PLCXD3: variants seen among roughly 807,000 people sequenced by gnomAD.
The protein encoded by PLCXD3 is phosphatidylinositol specific phospholipase C X domain containing 3.
In PLCXD3, 19 loss-of-function variants were observed where a neutral mutation model predicts 25.5. The observed-to-expected ratio is 0.75, with a 90% CI of 0.52 to 1.09. The LOEUF is 1.09. Among genes scored for constraint, PLCXD3 ranks in the 50% least tolerant of loss-of-function variants. PLCXD3 has a pLI of 0.00. For missense variants in PLCXD3, 411 were observed against 388.1 expected, an observed-to-expected ratio of 1.06 and a Z score of -0.50; for synonymous variants, 174 against 137.6, an observed-to-expected ratio of 1.26 and a Z score of -1.85.
At chr5:41,354,239 C>A (rs563853520) in intron 2 of PLCXD3, among the ~76,000 whole-genome samples, 1 of 152,282 alleles carries the variant, frequency 6.6e-6, no homozygotes, top group African/African-American at 2.4e-5. Context: ...TCTCTGGATG[C>A]TAGAGAACCA....
In PLCXD3 at chr5:41,418,216, A is replaced by G. The variant is rs1746736955; in HGVS notation, c.104-35682T>C. On this transcript the variant is annotated intron_variant, in intron 1 of 2. Transcript: ENST00000377801. ...TTTATCTAATATTTGAAAGAGGAAGAAATTATTTTCATTTAAAACACACAC... is the reference window on the plus strand; with the variant it reads ...TTTATCTAATATTTGAAAGAGGAAGGAATTATTTTCATTTAAAACACACAC... Among the ~76,000 whole-genome samples the G allele has an allele frequency of 2.6e-5, 4 of 152,224 alleles. No homozygotes were observed. In the South Asian group the frequency reaches 8.3e-4, roughly 32 times the overall value.
intron 2 of PLCXD3, among the ~76,000 whole-genome samples, chr5:41,316,297 C>A (rs760916763): frequency 6.6e-6 from 1 of 152,148 alleles, no homozygotes; most frequent in Non-Finnish European, 1.5e-5. Context: ...AGGATGTAGA[C>A]CTACCAGCAT....
chr5:41,435,614 G>T lies in PLCXD3; in HGVS notation c.104-53080C>A, dbSNP rs1242571248. The stretch of plus-strand genomic sequence containing the variant: ...TCTCTGACTCTGAATTTCCTCATAG[G>T]TAAGAATGGGGGTAGTGGAAAACAG... On this transcript the variant is annotated intron_variant, in intron 1 of 2. Transcript: ENST00000377801. 5.9e-5 allele frequency among the ~76,000 whole-genome samples: 9 copies of T among 152,294 alleles called. 1 individual carries two copies. Among genetic ancestry groups the T allele is most frequent in the African/African-American group, 7.2e-5 (3 of 41,576 alleles).
At chr5:41,504,500 G>A (rs1020020245) in intron 1 of PLCXD3, among the ~76,000 whole-genome samples, 2 of 152,152 alleles carry the variant, frequency 1.3e-5, no homozygotes, top group African/African-American at 4.8e-5. Flanking sequence ...CAGCAGTGAT[G>A]GCAGAGTCAG....
intron 1 of PLCXD3, among the ~76,000 whole-genome samples, chr5:41,413,580 T>C (rs1214288017): frequency 6.6e-6 from 1 of 152,238 alleles, no homozygotes; most frequent in Non-Finnish European, 1.5e-5. Context: ...GAGACTGTTA[T>C]TCCACTTTTC....
chr5:41,500,434 G>C (rs1478927761), intron 1 of PLCXD3, among the ~76,000 whole-genome samples: 1 of 151,766 alleles, frequency 6.6e-6, no homozygotes, highest in African/African-American at 2.4e-5. Flanking sequence ...AGGGTGAGGG[G>C]ATAAAAAGGG....
intron 1 of PLCXD3, among the ~76,000 whole-genome samples, chr5:41,401,824 G>A (rs1179741288): frequency 6.6e-6 from 1 of 151,866 alleles, no homozygotes; most frequent in Non-Finnish European, 1.5e-5. Context: ...ACTAACTTTT[G>A]GTAATAGTTG....
intron 1 of PLCXD3, among the ~76,000 whole-genome samples, chr5:41,481,367 T>C (rs1286209256): frequency 6.6e-6 from 1 of 152,182 alleles, no homozygotes; most frequent in Admixed American, 6.5e-5. Context: ...AATGCTATAA[T>C]ACATAAGCTA....
chr5:41,470,162 C>A (rs536173181), intron 1 of PLCXD3, among the ~76,000 whole-genome samples: 1 of 152,150 alleles, frequency 6.6e-6, no homozygotes, highest in East Asian at 1.9e-4. Context: ...ATCTCCTTCC[C>A]AAACAAAGGG....
At chr5:41,449,569 C>A (rs1472340937) in intron 1 of PLCXD3, among the ~76,000 whole-genome samples, 1 of 151,908 alleles carries the variant, frequency 6.6e-6, no homozygotes, top group African/African-American at 2.4e-5. Flanking sequence ...CATAAAAGGA[C>A]CATAGAGGAG....
At position 41,343,387 on chromosome 5, in the gene PLCXD3, C is replaced by A. The variant is rs184307102; in HGVS notation, c.813-29617G>T. On this transcript the variant is annotated intron_variant, in intron 2 of 2. Transcript: ENST00000377801. ...TCTTTTACATAAACAGAAAAAAAAT[C>A]AATCCAAAGGCAAAGAAATCATCCA... is the stretch of plus-strand genomic sequence containing the variant. Among the ~76,000 whole-genome samples the A allele has an allele frequency of 4.2e-3, 637 of 152,070 alleles. 1 individual carries two copies. Among genetic ancestry groups the A allele is most frequent in the Middle Eastern group, 0.02 (6 of 294 alleles).
intron 1 of PLCXD3, among the ~76,000 whole-genome samples, chr5:41,423,412 T>G (rs1289731635): frequency 1.3e-5 from 2 of 152,116 alleles, no homozygotes; most frequent in African/African-American, 4.8e-5. Context: ...TCAAGTATAT[T>G]GGCACAAAGT....
intron 1 of PLCXD3, among the ~76,000 whole-genome samples, chr5:41,405,098 T>C (rs1746312014): frequency 6.6e-6 from 1 of 152,128 alleles, no homozygotes; most frequent in Non-Finnish European, 1.5e-5. Flanking sequence ...AATACCTCCA[T>C]ACCTTTTATG....
At chr5:41,405,765 ATTTG>A (rs1746331778) in intron 1 of PLCXD3, among the ~76,000 whole-genome samples, 1 of 151,840 alleles carries the variant, frequency 6.6e-6, no homozygotes, top group Non-Finnish European at 1.5e-5. Flanking sequence ...CCAATTTTTT[ATTTG>A]TTTGTTTTGT....
chr5:41,510,397 C>A (rs1420542305), intron 1 of PLCXD3, 27 bp downstream of exon 1: 1 of 1,579,878 alleles, frequency 6.3e-7, no homozygotes, highest in Admixed American at 1.8e-5. Context: ...GCGCCGAGCG[C>A]CTAGCCCGCA....
chr5:41,389,740 C>T (rs1027605217), intron 1 of PLCXD3, among the ~76,000 whole-genome samples: 1 of 151,996 alleles, frequency 6.6e-6, no homozygotes, highest in South Asian at 2.1e-4. Flanking sequence ...ATTTGTGTTT[C>T]TTTTAAATTT....
intron 1 of PLCXD3, among the ~76,000 whole-genome samples, chr5:41,487,974 A>T (rs936641848): frequency 4.6e-5 from 7 of 151,750 alleles, no homozygotes; most frequent in Non-Finnish European, 7.4e-5. Context: ...TGTGCAGGTT[A>T]GTTACATATG....
chr5:41,482,074 T>A (rs1748426263), intron 1 of PLCXD3, among the ~76,000 whole-genome samples: 2 of 152,196 alleles, frequency 1.3e-5, no homozygotes, highest in Admixed American at 6.5e-5. Flanking sequence ...AAGATAACTT[T>A]TTTTTTTAAC....
intron 2 of PLCXD3, among the ~76,000 whole-genome samples, chr5:41,325,541 T>C (rs535942349): frequency 3.9e-5 from 6 of 152,328 alleles, no homozygotes; most frequent in Admixed American, 2.6e-4. Flanking sequence ...TGTATAACTG[T>C]TTATATATCT....
Sources: gnomAD v4.1 joint callset for allele counts (sites outside exome capture counted in the v4.1 genomes callset) on GRCh38, gnomAD v4.1.1 for gene constraint, MANE v1.5 for transcripts, NCBI Gene and HGNC (gene_info 2026-07-23, HGNC 2026-07-21) for gene names.